Variants in BCKDHB observed in about 807,000 individuals in gnomAD.
The protein encoded by BCKDHB is 2-oxoisovalerate dehydrogenase subunit beta, mitochondrial.
BCKDHB carries 41 observed loss-of-function variants against 48.5 expected under a neutral mutation model. The ratio of observed to expected loss-of-function variants is 0.85; its 90% CI spans 0.66 to 1.10. The LOEUF is 1.10. Among genes scored for constraint, BCKDHB ranks in the 50% least tolerant of loss-of-function variants. The pLI, the probability that BCKDHB is intolerant of heterozygous loss-of-function variation, is 0.00. For synonymous variants in BCKDHB, 201 were observed against 174.8 expected (o/e 1.15, Z -1.18); for missense variants, 496 against 494.2 (o/e 1.00, Z -0.03).
chr6:80,374,479 C>A, the BCKDHB span: 1 of 751,654 alleles, frequency 1.3e-6, no homozygotes, highest in Non-Finnish European at 2.5e-6. Flanking sequence ...TGGGCAGTTT[C>A]ACGAGTGTTC....
rs576942713 is a variant in BCKDHB at position 80,172,897 on chromosome 6, G to A, written c.742+1507G>A. ...TCTATTATAGTCTGTATCCCATTAT[G>A]TAATAAAAATGAATGTAAGAATTTA... On this transcript the variant is annotated intron_variant, in intron 6 of 9. Transcript: ENST00000320393. Among the ~76,000 whole-genome samples, 9 of 152,154 alleles carry A rather than the reference G, an allele frequency of 5.9e-5. 1 individual carries two copies. In the South Asian group the frequency reaches 1.0e-3, roughly 18 times the overall value.
the BCKDHB span, among the ~76,000 whole-genome samples, chr6:80,462,553 A>C: frequency 1.2e-4 from 18 of 152,222 alleles, no homozygotes; most frequent in South Asian, 4.1e-4. Flanking sequence ...TTTAGGTTAC[A>C]GTAGCCACAA....
chr6:80,347,322 G>A (rs1025199595), downstream of BCKDHB, among the ~76,000 whole-genome samples: 11 of 152,224 alleles, frequency 7.2e-5, no homozygotes, highest in Admixed American at 2.6e-4. Flanking sequence ...GATTTAGGGA[G>A]TTCAGTTGGC....
chr6:80,415,457 TAA>T, the BCKDHB span, among the ~76,000 whole-genome samples: 12 of 152,180 alleles, frequency 7.9e-5, no homozygotes, highest in African/African-American at 2.9e-4. Context: ...AAATACCTAA[TAA>T]ATTCAGAGCT....
At chr6:80,373,430 T>G in the BCKDHB span, among the ~76,000 whole-genome samples, 1 of 152,074 alleles carries the variant, frequency 6.6e-6, no homozygotes, top group South Asian at 2.1e-4. Context: ...TATTATCTTT[T>G]TTGTTGTTGT....
At chr6:80,367,267 AAAAAT>A in the BCKDHB span, among the ~76,000 whole-genome samples, 2 of 152,146 alleles carry the variant, frequency 1.3e-5, no homozygotes, top group Non-Finnish European at 2.9e-5. Flanking sequence ...TAAGTAAAGA[AAAAAT>A]AAAATTTTTA....
intron 3 of BCKDHB, among the ~76,000 whole-genome samples, chr6:80,150,156 T>A (rs1172644434): frequency 6.6e-6 from 1 of 152,116 alleles, no homozygotes; most frequent in Admixed American, 6.6e-5. Flanking sequence ...AGGCCCTCTC[T>A]TTCCACTTCA....
chr6:80,202,525 C>T (rs1439773766), intron 7 of BCKDHB, among the ~76,000 whole-genome samples: 1 of 151,926 alleles, frequency 6.6e-6, no homozygotes, highest in East Asian at 1.9e-4. Flanking sequence ...CTGTTTTTGT[C>T]AACATTACTG....
At chr6:80,224,703 A>C (rs1388342877) in intron 8 of BCKDHB, among the ~76,000 whole-genome samples, 4 of 152,132 alleles carry the variant, frequency 2.6e-5, no homozygotes, top group East Asian at 1.9e-4. Flanking sequence ...CCAGACCCCC[A>C]AAAAGATATT....
At chr6:80,370,948 A>G in the BCKDHB span, among the ~76,000 whole-genome samples, 1 of 152,062 alleles carries the variant, frequency 6.6e-6, no homozygotes, top group Non-Finnish European at 1.5e-5. Flanking sequence ...TGCTATAAAC[A>G]TGCATGCTCA....
At chr6:80,152,127 C>T (rs1019355254) in intron 3 of BCKDHB, among the ~76,000 whole-genome samples, 6 of 150,992 alleles carry the variant, frequency 4.0e-5, no homozygotes, top group African/African-American at 9.7e-5. Context: ...ACTGTGGAGT[C>T]GTTACAGGTT....
intron 6 of BCKDHB, among the ~76,000 whole-genome samples, chr6:80,177,524 C>T (rs964118296): frequency 3.3e-5 from 5 of 151,994 alleles, no homozygotes; most frequent in African/African-American, 9.7e-5. Context: ...GGTCTAAATA[C>T]ATCTAAGGAA....
At chr6:80,397,865 A>G in the BCKDHB span, among the ~76,000 whole-genome samples, 1 of 152,156 alleles carries the variant, frequency 6.6e-6, no homozygotes, top group Non-Finnish European at 1.5e-5. Flanking sequence ...GAGACAGAGC[A>G]AGACTCTGTC....
At chr6:80,362,542 C>T in the BCKDHB span, among the ~76,000 whole-genome samples, 1 of 152,204 alleles carries the variant, frequency 6.6e-6, no homozygotes, top group African/African-American at 2.4e-5. Flanking sequence ...CTCTGGGGGA[C>T]TCATAGATAA....
At chr6:80,389,734 C>T in the BCKDHB span, among the ~76,000 whole-genome samples, 56,580 of 152,048 alleles carry the variant, frequency 0.37, 12,125 homozygotes, top group East Asian at 0.66. Context: ...TTTGAAGTCA[C>T]AGTTACAATG....
Position 80,166,007 on chromosome 6 carries a change from A to G in BCKDHB, c.344-1671A>G, listed in dbSNP as rs189141199. 2.6e-5 allele frequency among the ~76,000 whole-genome samples: 4 copies of G among 152,228 alleles called. No individual in the cohort carries two copies. The East Asian group carries it at 5.8e-4, about 22-fold the overall frequency. ...ACCTCAGATCAACCAGACTGAGTCT[A>G]TTTGTTTGAATTTTAGCTGTCCTGA... On this transcript the variant is annotated intron_variant, in intron 3 of 9. Coordinates refer to ENST00000320393, the MANE Select transcript of BCKDHB (RefSeq NM_183050.4).
intron 9 of BCKDHB, among the ~76,000 whole-genome samples, chr6:80,306,669 A>G (rs1368957650): frequency 6.6e-6 from 1 of 152,246 alleles, no homozygotes; most frequent in Non-Finnish European, 1.5e-5. Context: ...GGCAAATGAT[A>G]CAGAAAATTA....
chr6:80,401,252 TG>T, the BCKDHB span, among the ~76,000 whole-genome samples: 3 of 151,822 alleles, frequency 2.0e-5, no homozygotes, highest in Non-Finnish European at 4.4e-5. Flanking sequence ...ATAACTTTAT[TG>T]GGGTATGATT....
At chr6:80,362,614 A>C in the BCKDHB span, among the ~76,000 whole-genome samples, 1 of 152,160 alleles carries the variant, frequency 6.6e-6, no homozygotes, top group Non-Finnish European at 1.5e-5. Flanking sequence ...CCATTTCTTA[A>C]AATGCTGCCT....
Sources: gnomAD v4.1 joint callset for allele counts (sites outside exome capture counted in the v4.1 genomes callset) on GRCh38, gnomAD v4.1.1 for gene constraint, MANE v1.5 for transcripts, NCBI Gene and HGNC (gene_info 2026-07-23, HGNC 2026-07-21) for gene names.